KDM4C: variants seen among roughly 807,000 people sequenced by gnomAD.
The protein encoded by KDM4C is lysine demethylase 4C.
Under a neutral mutation model 129.3 loss-of-function variants are expected in KDM4C, and 81 were observed. The observed-to-expected ratio is 0.63, with a 90% CI of 0.52 to 0.75. KDM4C has a LOEUF of 0.75. Ranked by LOEUF, KDM4C falls within the 30% of genes least tolerant of loss-of-function variation. The pLI, the probability that KDM4C is intolerant of heterozygous loss-of-function variation, is 0.00. For synonymous variants in KDM4C, 573 were observed against 456.1 expected, an observed-to-expected ratio of 1.26 and a Z score of -3.26; for missense variants, 1,457 against 1,304.0, an observed-to-expected ratio of 1.12 and a Z score of -1.81.
chr9:6,957,738 G>C (rs1440358198), intron 8 of KDM4C, among the ~76,000 whole-genome samples: 3 of 152,148 alleles, frequency 2.0e-5, no homozygotes, highest in Non-Finnish European at 4.4e-5. Flanking sequence ...AGGGTGGTGG[G>C]GAGGGGGTGA....
chr9:6,829,494 C>T (rs1321931272), intron 4 of KDM4C, among the ~76,000 whole-genome samples: 1 of 152,186 alleles, frequency 6.6e-6, no homozygotes, highest in Non-Finnish European at 1.5e-5. Flanking sequence ...AAGTCATTGA[C>T]AATTTCAGCT....
At chr9:7,129,659 T>G (rs148696973) in intron 19 of KDM4C, among the ~76,000 whole-genome samples, 2 of 152,198 alleles carry the variant, frequency 1.3e-5, no homozygotes, top group East Asian at 3.9e-4. Context: ...GGTAGGCGGG[T>G]AAATGGATGC....
At chr9:6,981,535 C>T (rs1423022517) in intron 9 of KDM4C, among the ~76,000 whole-genome samples, 1 of 152,200 alleles carries the variant, frequency 6.6e-6, no homozygotes, top group East Asian at 1.9e-4. Context: ...CTACTGCTCT[C>T]TTCTGGATGC....
At position 6,762,662 on chromosome 9, in the gene KDM4C, C is replaced by G. The variant is rs977531408; in HGVS notation, c.-18+4459C>G. 3.6e-5 allele frequency among the ~76,000 whole-genome samples: 5 copies of G among 138,464 alleles called. No homozygotes were observed. In the Admixed American group the frequency reaches 3.7e-4, roughly 10 times the overall value. The allele number at this position is 138,464 out of a possible 152,430, so 90.8% of individuals were successfully genotyped here. A position where few individuals can be genotyped will look rare whatever the true frequency, so the allele number is the denominator to read the frequency against. ...ATAATATAATATATTAGGTCATTGT[C>G]TTTTTTTTTTTTTAAGATGGAGTCT... On this transcript the variant is annotated intron_variant, in intron 1 of 21. Transcript: ENST00000381309.
intron 1 of KDM4C, chr9:6,749,079 G>T: frequency 2.1e-6 from 1 of 479,608 alleles, no homozygotes; most frequent in African/African-American, 2.0e-5. Context: ...GAGTGCAATG[G>T]CGCGATCTCG....
At chr9:6,938,964 G>C (rs1563848044) in intron 8 of KDM4C, among the ~76,000 whole-genome samples, 1 of 152,018 alleles carries the variant, frequency 6.6e-6, no homozygotes, top group Non-Finnish European at 1.5e-5. Flanking sequence ...TGTTCTGTCT[G>C]TAGTTTCTAA....
At chr9:6,739,607 T>A (rs1817625649) in intron 1 of KDM4C, among the ~76,000 whole-genome samples, 1 of 151,908 alleles carries the variant, frequency 6.6e-6, no homozygotes, top group African/African-American at 2.4e-5. Flanking sequence ...GATAGATAGA[T>A]ATGAGTATAT....
chr9:6,782,313 G>A (rs949560763), intron 1 of KDM4C, among the ~76,000 whole-genome samples: 2 of 152,178 alleles, frequency 1.3e-5, no homozygotes, highest in Non-Finnish European at 2.9e-5. Flanking sequence ...TTGCCAGATA[G>A]GCACCACTGA....
chr9:6,829,631 C>A (rs1191410185), intron 4 of KDM4C, among the ~76,000 whole-genome samples: 3 of 152,176 alleles, frequency 2.0e-5, no homozygotes, highest in Non-Finnish European at 4.4e-5. Flanking sequence ...ACCCCCCTTT[C>A]CTATTCTGTC....
rs961511332 is a variant in KDM4C at position 7,035,484 on chromosome 9, C to T, written c.2260-11378C>T. Among the ~76,000 whole-genome samples, 21 of 150,994 alleles carry T rather than the reference C, an allele frequency of 1.4e-4. No homozygotes were observed. In the East Asian group the frequency reaches 3.3e-3, roughly 24 times the overall value. On this transcript the variant is annotated intron_variant, in intron 15 of 21. Coordinates refer to ENST00000381309, the MANE Select transcript of KDM4C (RefSeq NM_015061.6). ...TTCCTTTGCTGTGCAGAAGCTTTTT[C>T]GCTTGATATATCCCATTTGTTTATT...
intron 19 of KDM4C, among the ~76,000 whole-genome samples, chr9:7,158,643 G>C (rs1011004872): frequency 6.6e-6 from 1 of 152,166 alleles, no homozygotes; most frequent in African/African-American, 2.4e-5. Context: ...CCATGTAGTT[G>C]AGCGGTTTTG....
chr9:6,939,073 G>T (rs1210695312), intron 8 of KDM4C, among the ~76,000 whole-genome samples: 3 of 151,564 alleles, frequency 2.0e-5, no homozygotes, highest in African/African-American at 7.3e-5. Context: ...GTGTGGCCCA[G>T]TTCCTAACAG....
At chr9:6,943,216 T>C (rs1767698659) in intron 8 of KDM4C, among the ~76,000 whole-genome samples, 1 of 152,090 alleles carries the variant, frequency 6.6e-6, no homozygotes, top group Non-Finnish European at 1.5e-5. Context: ...TTTTCTTACC[T>C]CTGTTATTCA....
At chr9:7,026,604 C>G (rs982415190) in intron 15 of KDM4C, among the ~76,000 whole-genome samples, 1 of 151,972 alleles carries the variant, frequency 6.6e-6, no homozygotes, top group African/African-American at 2.4e-5. Flanking sequence ...CTGTAATCTT[C>G]TTGTACTTTG....
chr9:7,060,332 T>C (rs1831448907), intron 17 of KDM4C, among the ~76,000 whole-genome samples: 2 of 151,752 alleles, frequency 1.3e-5, no homozygotes, highest in African/African-American at 2.4e-5. Context: ...TTCTAACTGC[T>C]TCCTATGAAT....
intron 17 of KDM4C, among the ~76,000 whole-genome samples, chr9:7,052,886 A>AGAGAGAGC (rs1830356267): frequency 8.0e-5 from 1 of 12,436 alleles, no homozygotes; most frequent in Non-Finnish European, 1.6e-4. Context: ...AGAGAGAGAG[A>AGAGAGAGC]GAGAGAGAGA....
chr9:6,742,217 A>T (rs922950741), intron 1 of KDM4C, among the ~76,000 whole-genome samples: 11 of 150,196 alleles, frequency 7.3e-5, no homozygotes, highest in South Asian at 6.2e-4. Flanking sequence ...GGTTTCACCA[A>T]GTTAGTCAGG....
At chr9:6,892,932 C>T (rs1846310896) in intron 7 of KDM4C, among the ~76,000 whole-genome samples, 163 bp from the exon 8 acceptor site, 2 of 152,070 alleles carry the variant, frequency 1.3e-5, no homozygotes, top group South Asian at 4.1e-4. Context: ...CCTGAAAAAG[C>T]ACTATTAAAG....
At chr9:7,008,353 C>A (rs573584690) in intron 12 of KDM4C, among the ~76,000 whole-genome samples, 7 of 152,300 alleles carry the variant, frequency 4.6e-5, no homozygotes, top group East Asian at 1.9e-4. Flanking sequence ...TCAGTACCCA[C>A]ATCCTTAGAC....
Sources: allele counts gnomAD v4.1 joint callset (sites outside exome capture counted in the v4.1 genomes callset), GRCh38; gene constraint gnomAD v4.1.1; transcripts MANE v1.5; gene names NCBI Gene and HGNC (gene_info 2026-07-23, HGNC 2026-07-21).